TMEM132C: variants seen among roughly 807,000 people sequenced by gnomAD.
TMEM132C encodes transmembrane protein 132C.
In TMEM132C, 29 loss-of-function variants were observed where a neutral mutation model predicts 61.4. The ratio of observed to expected loss-of-function variants is 0.47; its 90% CI spans 0.35 to 0.64. TMEM132C has a LOEUF of 0.64. Ranked by LOEUF, TMEM132C falls within the 30% of genes least tolerant of loss-of-function variation. The pLI is 0.00. For synonymous variants in TMEM132C, 656 were observed against 633.1 expected, an observed-to-expected ratio of 1.04 and a Z score of -0.54; for missense variants, 1,408 against 1,476.9, an observed-to-expected ratio of 0.95 and a Z score of 0.76.
intron 2 of TMEM132C, among the ~76,000 whole-genome samples, chr12:128,529,281 C>T (rs894707594): frequency 2.6e-5 from 4 of 152,048 alleles, no homozygotes; most frequent in Non-Finnish European, 5.9e-5. Context: ...CTTGCCTAGC[C>T]ATTAAATCTA....
intron 2 of TMEM132C, among the ~76,000 whole-genome samples, chr12:128,497,322 A>C (rs1015674448): frequency 6.6e-6 from 1 of 151,984 alleles, no homozygotes; most frequent in Non-Finnish European, 1.5e-5. Flanking sequence ...CAGATCTCAA[A>C]CTCCATGTTG....
chr12:128,365,034 G>A (rs1873819738), intron 1 of TMEM132C, among the ~76,000 whole-genome samples: 1 of 152,160 alleles, frequency 6.6e-6, no homozygotes, highest in South Asian at 2.1e-4. Flanking sequence ...ACCCCTCTCT[G>A]TTCCTTAACA....
At chr12:128,459,697 C>T (rs1035371077) in intron 2 of TMEM132C, among the ~76,000 whole-genome samples, 11 of 151,714 alleles carry the variant, frequency 7.3e-5, no homozygotes, top group Admixed American at 3.9e-4. Context: ...CCAGCCTGGC[C>T]GAGATGGTGA....
intron 4 of TMEM132C, among the ~76,000 whole-genome samples, chr12:128,657,016 T>A (rs7301844): frequency 0.27 from 40,306 of 152,050 alleles, 5,919 homozygotes; most frequent in South Asian, 0.33. Context: ...TTCTCCAAAA[T>A]CTCTTCCTAG....
At chr12:128,656,702 C>A (rs907614778) in intron 4 of TMEM132C, among the ~76,000 whole-genome samples, 1 of 152,146 alleles carries the variant, frequency 6.6e-6, no homozygotes, top group African/African-American at 2.4e-5. Context: ...TTCTGCTGGC[C>A]CAGGCACCAC....
intron 3 of TMEM132C, among the ~76,000 whole-genome samples, chr12:128,593,196 C>A (rs1246930988): frequency 6.7e-6 from 1 of 149,142 alleles, no homozygotes; most frequent in African/African-American, 2.5e-5. Flanking sequence ...CTCTCACCTT[C>A]CTTCTTTCTT....
At chr12:128,405,372 C>T (rs2136013792) in intron 1 of TMEM132C, among the ~76,000 whole-genome samples, 1 of 152,238 alleles carries the variant, frequency 6.6e-6, no homozygotes, top group African/African-American at 2.4e-5. Context: ...GGACCCTGCA[C>T]AGGTTCGTCG....
At chr12:128,547,330 A>G (rs1873987328) in intron 3 of TMEM132C, among the ~76,000 whole-genome samples, 1 of 151,898 alleles carries the variant, frequency 6.6e-6, no homozygotes. Flanking sequence ...ACAGGTGCAG[A>G]CAGTGGTTCG....
chr12:128,430,473 G>T (rs982192181), intron 2 of TMEM132C, among the ~76,000 whole-genome samples: 3 of 152,060 alleles, frequency 2.0e-5, no homozygotes, highest in African/African-American at 7.2e-5. Context: ...ATATATTAAA[G>T]AAAAAATAGA....
intron 3 of TMEM132C, among the ~76,000 whole-genome samples, chr12:128,551,654 C>G (rs144533782): frequency 2.6e-5 from 4 of 152,338 alleles, no homozygotes; most frequent in African/African-American, 9.6e-5. Context: ...AGGGAAGAGG[C>G]AGAAAAGCAC....
intron 4 of TMEM132C, among the ~76,000 whole-genome samples, chr12:128,636,564 TTGTGTGTG>T (rs61201583): frequency 0.035 from 4,927 of 142,292 alleles, 102 homozygotes; most frequent in Middle Eastern, 0.052. Context: ...GGGTTTTTGT[TTGTGTGTG>T]TGTGTGTGTG....
At chr12:128,491,388 T>C (rs1319097897) in intron 2 of TMEM132C, among the ~76,000 whole-genome samples, 4 of 152,320 alleles carry the variant, frequency 2.6e-5, no homozygotes, top group African/African-American at 9.6e-5. Context: ...GGCCCTGCCT[T>C]GGTCAGCACG....
intron 2 of TMEM132C, among the ~76,000 whole-genome samples, chr12:128,476,049 G>A (rs1593067130): frequency 6.6e-6 from 1 of 152,160 alleles, no homozygotes. Context: ...TGGGCCCTAG[G>A]ACGTGAGCTT....
chr12:128,695,587 C>T (rs1954754145), intron 6 of TMEM132C, among the ~76,000 whole-genome samples: 1 of 152,170 alleles, frequency 6.6e-6, no homozygotes, highest in African/African-American at 2.4e-5. Context: ...CCAATGCCTA[C>T]TTATGAGACA....
intron 2 of TMEM132C, among the ~76,000 whole-genome samples, chr12:128,444,839 A>G (rs980195835): frequency 1.3e-5 from 2 of 152,124 alleles, no homozygotes; most frequent in African/African-American, 4.8e-5. Context: ...TCTGCAATTA[A>G]CTCTGTGAGG....
intron 4 of TMEM132C, among the ~76,000 whole-genome samples, chr12:128,623,617 G>A (rs11059796): frequency 6.6e-6 from 1 of 151,764 alleles, no homozygotes; most frequent in African/African-American, 2.4e-5. Context: ...AACCAGCCTG[G>A]GCAACATGGT....
chr12:128,702,815 C>G (rs1954813059), intron 8 of TMEM132C, among the ~76,000 whole-genome samples: 1 of 152,226 alleles, frequency 6.6e-6, no homozygotes, highest in Non-Finnish European at 1.5e-5. Context: ...TAGGATTTTC[C>G]CATGCCCCGT....
chr12:128,540,503 C>T (rs11059754), intron 2 of TMEM132C, among the ~76,000 whole-genome samples: 3 of 151,988 alleles, frequency 2.0e-5, no homozygotes, highest in Admixed American at 1.3e-4. Context: ...CTGCCTACCT[C>T]GGCCTCCCAA....
At chr12:128,411,171 G>A (rs976093103) in intron 1 of TMEM132C, among the ~76,000 whole-genome samples, 6 of 152,102 alleles carry the variant, frequency 3.9e-5, no homozygotes, top group Non-Finnish European at 8.8e-5. Context: ...AGCACTGCCT[G>A]GCAGATTTCT....
Sources: allele counts gnomAD v4.1 joint callset (sites outside exome capture counted in the v4.1 genomes callset), GRCh38; gene constraint gnomAD v4.1.1; transcripts MANE v1.5; gene names NCBI Gene and HGNC (gene_info 2026-07-23, HGNC 2026-07-21).